CNTNAP2: variants seen among roughly 807,000 people sequenced by gnomAD.
CNTNAP2 encodes contactin-associated protein-like 2.
A neutral mutation model predicts 155.2 loss-of-function variants in CNTNAP2; 98 were observed. The ratio of observed to expected loss-of-function variants is 0.63; its 90% confidence interval spans 0.54 to 0.75. The LOEUF is 0.75. CNTNAP2 is among the 30% of genes least tolerant of loss of function. CNTNAP2 has a pLI of 0.00. For missense variants in CNTNAP2, 1,727 were observed against 1,688.1 expected, an observed-to-expected ratio of 1.02 and a Z score of -0.40; for synonymous variants, 651 against 631.2, an observed-to-expected ratio of 1.03 and a Z score of -0.47.
At chr7:146,235,274 G>T (rs377394819) in intron 1 of CNTNAP2, among the ~76,000 whole-genome samples, 2 of 150,930 alleles carry the variant, frequency 1.3e-5, no homozygotes, top group Non-Finnish European at 3.0e-5. Context: ...TTGGGGGAGG[G>T]TGGAGTTCCT....
At chr7:146,537,471 A>G (rs986476854) in intron 1 of CNTNAP2, among the ~76,000 whole-genome samples, 2 of 152,106 alleles carry the variant, frequency 1.3e-5, no homozygotes. Context: ...AATTGTAAAA[A>G]GAGCCTGTCA....
intron 3 of CNTNAP2, among the ~76,000 whole-genome samples, chr7:146,971,900 C>G (rs949607307): frequency 1.3e-5 from 2 of 152,184 alleles, no homozygotes; most frequent in African/African-American, 4.8e-5. Flanking sequence ...ATCTAACGCT[C>G]TGTTTTAATC....
intron 1 of CNTNAP2, among the ~76,000 whole-genome samples, chr7:146,673,809 G>T (rs1800349649): frequency 6.6e-6 from 1 of 152,086 alleles, no homozygotes; most frequent in South Asian, 2.1e-4. Context: ...TCTCAAAGTA[G>T]TGGCTTCAAG....
intron 13 of CNTNAP2, among the ~76,000 whole-genome samples, chr7:147,808,441 A>T (rs887313053): frequency 2.0e-5 from 3 of 152,100 alleles, no homozygotes; most frequent in African/African-American, 7.2e-5. Flanking sequence ...CTCCTCCTCA[A>T]ATTACCTTAT....
At chr7:148,093,215 A>G (rs990953391) in intron 15 of CNTNAP2, among the ~76,000 whole-genome samples, 4 of 152,166 alleles carry the variant, frequency 2.6e-5, no homozygotes, top group African/African-American at 9.6e-5. Flanking sequence ...AATTTTTTTA[A>G]AAAGGAAAGC....
At chr7:146,935,883 G>A (rs1321069062) in intron 3 of CNTNAP2, among the ~76,000 whole-genome samples, 1 of 152,104 alleles carries the variant, frequency 6.6e-6, no homozygotes, top group African/African-American at 2.4e-5. Flanking sequence ...GACCCTAGTA[G>A]GGACCATACT....
At chr7:146,907,424 G>T (rs374027656) in intron 3 of CNTNAP2, among the ~76,000 whole-genome samples, 1 of 147,256 alleles carries the variant, frequency 6.8e-6, no homozygotes, top group African/African-American at 2.5e-5. Flanking sequence ...CCCTCAAAGG[G>T]AAGCCCATCA....
At chr7:147,445,006 C>A (rs1163295047) in intron 10 of CNTNAP2, among the ~76,000 whole-genome samples, 2 of 152,130 alleles carry the variant, frequency 1.3e-5, no homozygotes, top group African/African-American at 4.8e-5. Context: ...GTGCTACATG[C>A]TTTCAAACAA....
chr7:146,576,875 A>C (rs941037684), intron 1 of CNTNAP2, among the ~76,000 whole-genome samples: 5 of 152,196 alleles, frequency 3.3e-5, no homozygotes, highest in Non-Finnish European at 5.9e-5. Context: ...TAGGTGTAAC[A>C]CTATATGTAG....
rs527778556 is a variant in CNTNAP2 at position 146,307,432 on chromosome 7, C to T, written c.97+190459C>T. 1.2e-4 allele frequency among the ~76,000 whole-genome samples: 19 copies of T among 152,216 alleles called. 1 individual carries two copies. The South Asian group carries it at 3.9e-3, about 32-fold the overall frequency. ...AGGTAATTTATAGATTCAATGCCAT[C>T]CCCATCAAGCTACCAGTGACTTTCT... On this transcript the variant is annotated intron_variant, in intron 1 of 23. Transcript: ENST00000361727.
At chr7:146,995,818 G>C (rs1004645881) in intron 3 of CNTNAP2, among the ~76,000 whole-genome samples, 4 of 152,060 alleles carry the variant, frequency 2.6e-5, no homozygotes, top group African/African-American at 9.7e-5. Flanking sequence ...CTCCCATTCA[G>C]TAGGTTGTTT....
intron 13 of CNTNAP2, among the ~76,000 whole-genome samples, chr7:147,800,698 G>T (rs759135018): frequency 4.0e-5 from 6 of 150,672 alleles, no homozygotes; most frequent in Admixed American, 6.6e-5. Flanking sequence ...TCTTTAAAAA[G>T]CTTTGAACCC....
rs767656171 is a variant in CNTNAP2, at chr7:146,947,553, G to GTATATA, written c.403-96353_403-96352insATATAT. Among the ~76,000 whole-genome samples the GTATATA allele has an allele frequency of 1.9e-3, 198 of 104,740 alleles. 2 individuals are homozygous for GTATATA. Among genetic ancestry groups the GTATATA allele is most frequent in the Non-Finnish European group, 2.7e-3 (152 of 55,822 alleles). The allele number at this position is 104,740 out of a possible 152,430, so 68.7% of individuals were successfully genotyped here. A position where few individuals can be genotyped will look rare whatever the true frequency, so the allele number is the denominator to read the frequency against. ...TGTGTGTGTGTGTGTATGTGTGTGTGTGTGTATATATATATATATATACAT... is the reference window on the plus strand; with the variant it reads ...TGTGTGTGTGTGTGTATGTGTGTGTGTATATATGTGTATATATATATATATATACAT... On this transcript the variant is annotated intron_variant, in intron 3 of 23. Coordinates refer to ENST00000361727, the MANE Select transcript of CNTNAP2 (RefSeq NM_014141.6).
intron 11 of CNTNAP2, among the ~76,000 whole-genome samples, chr7:147,499,796 G>T (rs997527965): frequency 3.3e-5 from 5 of 152,250 alleles, no homozygotes; most frequent in Admixed American, 3.3e-4. Flanking sequence ...CTGTATATAA[G>T]ATCATGTTAC....
At chr7:146,248,593 G>T (rs144930045) in intron 1 of CNTNAP2, among the ~76,000 whole-genome samples, 2 of 152,246 alleles carry the variant, frequency 1.3e-5, no homozygotes, top group African/African-American at 4.8e-5. Flanking sequence ...GACGTGTGGC[G>T]CCAAGATTGA....
At chr7:147,467,006 C>T (rs1798132138) in intron 10 of CNTNAP2, among the ~76,000 whole-genome samples, 1 of 152,192 alleles carries the variant, frequency 6.6e-6, no homozygotes, top group Admixed American at 6.5e-5. Context: ...CTTATATAGG[C>T]TTTTAGAAGC....
At chr7:147,148,486 G>A (rs1176663209) in intron 8 of CNTNAP2, among the ~76,000 whole-genome samples, 1 of 151,642 alleles carries the variant, frequency 6.6e-6, no homozygotes, top group African/African-American at 2.4e-5. Context: ...CTAAAATACA[G>A]AAGTCCTATG....
chr7:146,919,216 T>C (rs1213560664), intron 3 of CNTNAP2, among the ~76,000 whole-genome samples: 3 of 152,244 alleles, frequency 2.0e-5, no homozygotes, highest in Non-Finnish European at 4.4e-5. Context: ...TTTGGATTCA[T>C]TGCTGGTGAG....
chr7:148,031,298 T>G (rs1802472352), intron 15 of CNTNAP2, among the ~76,000 whole-genome samples: 1 of 152,132 alleles, frequency 6.6e-6, no homozygotes, highest in Admixed American at 6.5e-5. Flanking sequence ...AATTGCAAGT[T>G]TTCTAATGTA....
Sources: gnomAD v4.1 joint callset for allele counts (sites outside exome capture counted in the v4.1 genomes callset) on GRCh38, gnomAD v4.1.1 for gene constraint, MANE v1.5 for transcripts, NCBI Gene and HGNC (gene_info 2026-07-23, HGNC 2026-07-21) for gene names.